ZNF532: variants seen among roughly 807,000 people sequenced by gnomAD.
ZNF532 encodes zinc finger protein 532.
A neutral mutation model predicts 89.3 loss-of-function variants in ZNF532; 22 were observed. That is an observed-to-expected ratio of 0.25 (90% CI 0.18 to 0.35). ZNF532 has a LOEUF of 0.35. ZNF532 is among the 10% of genes least tolerant of loss of function. ZNF532 has a pLI of 1.00. For synonymous variants in ZNF532, 606 were observed against 649.6 expected, an observed-to-expected ratio of 0.93 and a Z score of 1.02; for missense variants, 1,132 against 1,643.4, an observed-to-expected ratio of 0.69 and a Z score of 5.38.
intron 7 of ZNF532, among the ~76,000 whole-genome samples, chr18:58,959,784 C>T (rs1157677460): frequency 1.3e-5 from 2 of 152,204 alleles, no homozygotes; most frequent in African/African-American, 4.8e-5. Flanking sequence ...GCATGTAGCA[C>T]AATACATAAT....
chr18:58,931,779 A>G (rs1261221897), intron 3 of ZNF532: 1 of 151,972 alleles, frequency 6.6e-6, no homozygotes, highest in East Asian at 1.9e-4. Flanking sequence ...TGTACAAAAA[A>G]AAAAAAGAAC....
At position 58,923,430 on chromosome 18, in the gene ZNF532, C is replaced by CT. The variant is rs558899639; in HGVS notation, c.2346+2798dup. 2.0e-3 allele frequency among the ~76,000 whole-genome samples: 299 copies of CT among 152,034 alleles called. 14 individuals are homozygous for CT. In the South Asian group the frequency reaches 0.06, roughly 30 times the overall value. ...GCTTCTGCCTCAGTAGGAATAGCTG[C>CT]TGTGTCTTCAGCATTCATGGTTTAA... On this transcript the variant is annotated intron_variant, in intron 3 of 9. Coordinates refer to ENST00000591808, the MANE Select transcript of ZNF532 (RefSeq NM_001375912.1).
intron 4 of ZNF532, among the ~76,000 whole-genome samples, chr18:58,936,913 T>G (rs1033748051): frequency 6.6e-6 from 1 of 152,222 alleles, no homozygotes; most frequent in African/African-American, 2.4e-5. Context: ...ATGAGTCTAA[T>G]GTAGCAGCAT....
intron 4 of ZNF532, among the ~76,000 whole-genome samples, chr18:58,938,373 A>T (rs1017931213): frequency 6.6e-6 from 1 of 152,232 alleles, no homozygotes; most frequent in Admixed American, 6.5e-5. Flanking sequence ...TGTGAAAAAG[A>T]TGAGATAGAG....
chr18:58,939,246 CAAA>C (rs71336307), intron 4 of ZNF532, among the ~76,000 whole-genome samples, 196 bp from the exon 5 acceptor site: 115 of 34,470 alleles, frequency 3.3e-3, no homozygotes, highest in Middle Eastern at 0.031. Flanking sequence ...GACGTTGTCT[CAAA>C]AAAAAAAAAA....
intron 5 of ZNF532, among the ~76,000 whole-genome samples, chr18:58,943,158 CTTTTTTT>C (rs11289347): frequency 8.1e-6 from 1 of 123,120 alleles, no homozygotes; most frequent in Non-Finnish European, 1.7e-5. Context: ...ATTACTATAT[CTTTTTTT>C]TTTTTTTTTT....
chr18:58,969,330 T>C (rs1249000718), intron 7 of ZNF532, among the ~76,000 whole-genome samples: 2 of 152,146 alleles, frequency 1.3e-5, no homozygotes, highest in African/African-American at 2.4e-5. Flanking sequence ...TAATGTCCAG[T>C]TGGAAGGGTG....
intron 2 of ZNF532, among the ~76,000 whole-genome samples, chr18:58,892,582 C>T (rs1473824130): frequency 2.0e-5 from 3 of 152,154 alleles, no homozygotes; most frequent in South Asian, 2.1e-4. Flanking sequence ...GCAAAGAGCA[C>T]GTAATACCCA....
In ZNF532 at chr18:58,934,561, C is replaced by G; in HGVS notation, c.2475C>G (p.Phe825Leu). The G allele has an allele frequency of 6.2e-7, 1 of 1,614,162 alleles. No individual in the cohort carries two copies. The highest frequency in any genetic ancestry group is 8.5e-7 in the Non-Finnish European group (1 of 1,180,018). The change falls in exon 4 of 10, where the codon TTC (phenylalanine) becomes TTG (leucine). Residue 825 changes from phenylalanine to leucine, a missense_variant. Coordinates refer to ENST00000591808, the MANE Select transcript of ZNF532 (RefSeq NM_001375912.1). ...ECGAICRSVH[F>L]QTHVTKNCLH... Reference sequence around the variant, plus strand: ...GGGCCATCTGCAGGTCGGTGCACTTCCAGACCCACGTCACCAAGAACTGTC... The same window carrying G: ...GGGCCATCTGCAGGTCGGTGCACTTGCAGACCCACGTCACCAAGAACTGTC...
chr18:58,899,653 GA>G (rs1388590072), intron 2 of ZNF532, among the ~76,000 whole-genome samples: 2 of 152,026 alleles, frequency 1.3e-5, no homozygotes, highest in African/African-American at 4.8e-5. Flanking sequence ...ATTTTTAGTA[GA>G]GACAGGGTTC....
intron 5 of ZNF532, among the ~76,000 whole-genome samples, chr18:58,942,361 T>TC (rs1568383594): frequency 1.8e-5 from 1 of 55,810 alleles, no homozygotes; most frequent in Admixed American, 1.9e-4. Flanking sequence ...CTTCCTTCCT[T>TC]CCTTCCTTCC....
chr18:58,913,925 G>T (rs973621320), intron 2 of ZNF532, among the ~76,000 whole-genome samples: 3 of 152,204 alleles, frequency 2.0e-5, no homozygotes, highest in Non-Finnish European at 4.4e-5. Context: ...GGATTTAGGC[G>T]TGCATCTTTC....
intron 3 of ZNF532, among the ~76,000 whole-genome samples, chr18:58,928,199 G>T (rs946693461): frequency 6.6e-6 from 1 of 152,106 alleles, no homozygotes; most frequent in African/African-American, 2.4e-5. Context: ...GCACCAGCTG[G>T]GGCTGTTCCT....
rs2064445010 is a variant in ZNF532 at position 58,953,640 on chromosome 18, G to C, written c.2991G>C (p.Met997Ile). The C allele has an allele frequency of 2.5e-6, 4 of 1,613,984 alleles. No individual in the cohort carries two copies. Among genetic ancestry groups the C allele is most frequent in the Non-Finnish European group, 3.4e-6 (4 of 1,179,860 alleles). Residue 997 changes from methionine (M) to isoleucine (I), a missense_variant, in exon 7 of 10, where the codon ATG (methionine) becomes ATC (isoleucine). Around this residue, in one of 9 missense-constraint regions of ZNF532, gnomAD observed 415 missense variants for 604.8 expected, o/e 0.69. Coordinates refer to ENST00000591808, the MANE Select transcript of ZNF532 (RefSeq NM_001375912.1). ...ANQNKEDTKS[M>I]NGKEKLEKKS... is the part of the protein sequence containing the mutation. Reference sequence around the variant, plus strand: ...AGAACAAAGAGGACACCAAATCCATGAATGGGAAAGAGAAATTGGAAAAGA... The same window carrying C: ...AGAACAAAGAGGACACCAAATCCATCAATGGGAAAGAGAAATTGGAAAAGA...
chr18:58,897,248 T>A (rs954210497), intron 2 of ZNF532, among the ~76,000 whole-genome samples: 1 of 152,240 alleles, frequency 6.6e-6, no homozygotes, highest in African/African-American at 2.4e-5. Context: ...GTTTTGTAGC[T>A]TTTTGGAATA....
At chr18:58,974,462 G>A (rs537683361) in intron 7 of ZNF532, among the ~76,000 whole-genome samples, 3 of 152,238 alleles carry the variant, frequency 2.0e-5, no homozygotes, top group East Asian at 1.9e-4. Context: ...TGGACCCACC[G>A]TACACAATGG....
At chr18:58,958,031 A>C (rs2064970104) in intron 7 of ZNF532, among the ~76,000 whole-genome samples, 1 of 149,332 alleles carries the variant, frequency 6.7e-6, no homozygotes, top group Non-Finnish European at 1.5e-5. Context: ...GTGCCACTGC[A>C]TTCCAGCCTA....
At chr18:58,938,803 C>T (rs2062695236) in intron 4 of ZNF532, among the ~76,000 whole-genome samples, 1 of 152,208 alleles carries the variant, frequency 6.6e-6, no homozygotes, top group South Asian at 2.1e-4. Flanking sequence ...GGGTAGGAAA[C>T]TCAGGGCCCT....
At position 58,967,668 on chromosome 18, in the gene ZNF532, A is replaced by G. The variant is rs116689429; in HGVS notation, c.3151-11387A>G. ...GGCAAGTTAGAGTCGGAGCTCGGTAAATACCGTGGAAGGAATTAATCGAAA... is the reference window on the plus strand; with the variant it reads ...GGCAAGTTAGAGTCGGAGCTCGGTAGATACCGTGGAAGGAATTAATCGAAA... On this transcript the variant is annotated intron_variant, in intron 7 of 9. Coordinates refer to ENST00000591808, the MANE Select transcript of ZNF532 (RefSeq NM_001375912.1). 5.5e-3 allele frequency among the ~76,000 whole-genome samples: 837 copies of G among 152,270 alleles called. 6 individuals are homozygous for G. Among genetic ancestry groups the G allele is most frequent in the African/African-American group, 0.019 (797 of 41,548 alleles).
Sources: allele counts gnomAD v4.1 joint callset (sites outside exome capture counted in the v4.1 genomes callset), GRCh38; gene constraint gnomAD v4.1.1; regional missense constraint gnomAD v4.1.1; transcripts MANE v1.5; gene names NCBI Gene and HGNC (gene_info 2026-07-23, HGNC 2026-07-21).